The following SSBP3 variants were observed in gnomAD, a reference collection of about 807,000 sequenced individuals.
SSBP3 encodes the protein single-stranded DNA-binding protein 3.
In SSBP3, 5 loss-of-function variants were observed where a neutral mutation model predicts 69.6. That is an observed-to-expected ratio of 0.07 (90% CI 0.04 to 0.15). SSBP3 has a LOEUF of 0.15. SSBP3 is among the 10% of genes least tolerant of loss of function. SSBP3 has a pLI of 1.00. For synonymous variants in SSBP3, 196 were observed against 193.4 expected (o/e 1.01, Z -0.11); for missense variants, 312 against 534.0 (o/e 0.58, Z 4.10).
At chr1:54,360,936 AT>A (rs1323890644) in intron 4 of SSBP3, among the ~76,000 whole-genome samples, 7 of 150,924 alleles carry the variant, frequency 4.6e-5, no homozygotes, top group East Asian at 1.9e-4. Flanking sequence ...AAAAAAAAAA[AT>A]CTGCCAGATG....
chr1:54,244,431 G>A (rs1325659628), intron 9 of SSBP3, among the ~76,000 whole-genome samples: 1 of 152,044 alleles, frequency 6.6e-6, no homozygotes, highest in Non-Finnish European at 1.5e-5. Flanking sequence ...TTTTTTTGTA[G>A]AGATGGGGTC....
chr1:54,341,086 T>A (rs1646598226), intron 4 of SSBP3, among the ~76,000 whole-genome samples: 1 of 152,226 alleles, frequency 6.6e-6, no homozygotes, highest in Non-Finnish European at 1.5e-5. Flanking sequence ...AAACAATGTC[T>A]GCATAGTAAG....
chr1:54,390,884 T>C (rs1648439374), intron 4 of SSBP3, among the ~76,000 whole-genome samples: 1 of 152,176 alleles, frequency 6.6e-6, no homozygotes, highest in Non-Finnish European at 1.5e-5. Context: ...CATTTTCTAC[T>C]GGAAGCCGTC....
chr1:54,260,479 G>A (rs1416985613), intron 5 of SSBP3, among the ~76,000 whole-genome samples: 3 of 152,230 alleles, frequency 2.0e-5, no homozygotes, highest in South Asian at 2.1e-4. Flanking sequence ...TGGCGCACAC[G>A]GTGGGGCCTC....
At chr1:54,395,300 G>C (rs941792342) in intron 4 of SSBP3, among the ~76,000 whole-genome samples, 1 of 152,220 alleles carries the variant, frequency 6.6e-6, no homozygotes, top group Non-Finnish European at 1.5e-5. Flanking sequence ...ACAGTAAAGA[G>C]ATGGACCTTG....
At chr1:54,251,923 C>CATCT (rs1275120347) in intron 7 of SSBP3, 63 bp from the exon 8 acceptor site, 2 of 1,382,038 alleles carry the variant, frequency 1.4e-6, no homozygotes, top group East Asian at 4.7e-5. Flanking sequence ...TGGGGACAGG[C>CATCT]ATCTACCTGT....
rs914251491 is a variant in SSBP3 at position 54,406,351 on chromosome 1, T to G, written c.-343A>C. On this transcript the variant is annotated 5_prime_UTR_variant, in exon 1 of 18. Transcript: ENST00000610401. Reference sequence around the variant, plus strand: ...CTCCGCCTGCGCCGCCCTCTGCGCCTCCAGCACCGCTGCCGCCGCCGCCGC... The same window carrying G: ...CTCCGCCTGCGCCGCCCTCTGCGCCGCCAGCACCGCTGCCGCCGCCGCCGC... 4 of 123,942 alleles carry G rather than the reference T, an allele frequency of 3.2e-5. 1 individual carries two copies. The Admixed American group carries it at 3.5e-4, about 11-fold the overall frequency. 7.7% of individuals were successfully genotyped at this position (123,942 alleles called of 1,614,324 possible). A position where few individuals can be genotyped will look rare whatever the true frequency, so the allele number is the denominator to read the frequency against.
At chr1:54,396,193 GAAAAAAAAAAA>G (rs59276509) in intron 4 of SSBP3, among the ~76,000 whole-genome samples, 2 of 40,564 alleles carry the variant, frequency 4.9e-5, no homozygotes, top group East Asian at 1.7e-3. Flanking sequence ...CTCCATCTCA[GAAAAAAAAAAA>G]AAAAAAAAAA....
intron 9 of SSBP3, among the ~76,000 whole-genome samples, chr1:54,249,225 T>C (rs918717235): frequency 1.3e-5 from 2 of 152,184 alleles, no homozygotes; most frequent in Non-Finnish European, 2.9e-5. Flanking sequence ...ATCTCAGTGT[T>C]ACGATGGTCC....
At chr1:54,372,508 C>T (rs1305995364) in intron 4 of SSBP3, among the ~76,000 whole-genome samples, 1 of 152,174 alleles carries the variant, frequency 6.6e-6, no homozygotes, top group Non-Finnish European at 1.5e-5. Context: ...CTGTGTTCCC[C>T]ATGAGCACTG....
At chr1:54,343,421 A>G (rs1173366187) in intron 4 of SSBP3, among the ~76,000 whole-genome samples, 1 of 152,222 alleles carries the variant, frequency 6.6e-6, no homozygotes, top group African/African-American at 2.4e-5. Flanking sequence ...AGCTCAGTAG[A>G]CATGAACTGC....
intron 4 of SSBP3, among the ~76,000 whole-genome samples, chr1:54,304,144 G>A (rs1262138699): frequency 2.0e-5 from 3 of 152,172 alleles, no homozygotes; most frequent in Admixed American, 1.3e-4. Context: ...GAGCCATGAC[G>A]AGTTCTGAAC....
chr1:54,233,432 C>T (rs1299930281), intron 14 of SSBP3, among the ~76,000 whole-genome samples: 1 of 151,268 alleles, frequency 6.6e-6, no homozygotes, highest in Non-Finnish European at 1.5e-5. Context: ...GGCAGCCACC[C>T]CATCTGGGAA....
upstream of SSBP3, among the ~76,000 whole-genome samples, chr1:54,406,582 C>T (rs984310420): frequency 1.3e-5 from 2 of 151,830 alleles, no homozygotes; most frequent in Non-Finnish European, 2.9e-5. Context: ...CCGCTGCCTG[C>T]TCCTGCAGGC....
chr1:54,324,376 G>A lies in SSBP3; in HGVS notation c.277-42849C>T, dbSNP rs575747281. Among the ~76,000 whole-genome samples, 9 of 152,240 alleles carry A rather than the reference G, an allele frequency of 5.9e-5. No individual in the cohort carries two copies. In the South Asian group the frequency reaches 1.5e-3, roughly 25 times the overall value. On this transcript the variant is annotated intron_variant, in intron 4 of 17. Coordinates refer to ENST00000610401, the Ensembl canonical transcript of SSBP3. ...CATGAGGCTCGGCTTCTGTGCCATC[G>A]AGAAGCCGGCTGCATTCTCTGCAGC...
intron 4 of SSBP3, among the ~76,000 whole-genome samples, chr1:54,305,619 T>TA (rs762340360): frequency 0.08 from 11,229 of 139,736 alleles, 626 homozygotes; most frequent in South Asian, 0.2. Flanking sequence ...TATTTTTCTT[T>TA]AAAAAAAAAA....
At chr1:54,381,828 G>C in intron 4 of SSBP3, among the ~76,000 whole-genome samples, 1 of 152,254 alleles carries the variant, frequency 6.6e-6, no homozygotes, top group Non-Finnish European at 1.5e-5. Context: ...CTGAGGGGAT[G>C]CTGGGAAGCA....
At chr1:54,393,609 G>A (rs1415216872) in intron 4 of SSBP3, among the ~76,000 whole-genome samples, 2 of 151,972 alleles carry the variant, frequency 1.3e-5, no homozygotes, top group African/African-American at 4.8e-5. Flanking sequence ...AGGCAACAAA[G>A]CAAGACCACG....
intron 4 of SSBP3, among the ~76,000 whole-genome samples, chr1:54,378,520 A>G (rs529224896): frequency 7.6e-4 from 116 of 152,296 alleles, no homozygotes; most frequent in African/African-American, 2.5e-3. Flanking sequence ...ACAGCCCCCA[A>G]TCCCTCTGGC....
Sources: gnomAD v4.1 joint callset for allele counts (sites outside exome capture counted in the v4.1 genomes callset) on GRCh38, gnomAD v4.1.1 for gene constraint, MANE v1.5 for transcripts, NCBI Gene and HGNC (gene_info 2026-07-23, HGNC 2026-07-21) for gene names.